EYS: variants seen among roughly 807,000 people sequenced by gnomAD.
EYS encodes the protein protein eyes shut homolog.
In EYS, 250 loss-of-function variants were observed where a neutral mutation model predicts 282.1. The observed-to-expected ratio is 0.89, with a 90% CI of 0.80 to 0.98. The LOEUF (loss-of-function observed/expected upper bound fraction) is 0.98. Ranked by LOEUF, EYS falls within the 50% of genes least tolerant of loss-of-function variation. EYS has a pLI of 0.00. For synonymous variants in EYS, 1,355 were observed against 1,282.9 expected (o/e 1.06, Z -1.20); for missense variants, 4,016 against 3,709.0 (o/e 1.08, Z -2.15).
chr6:64,121,015 CAGCT>C (rs1773570597), intron 31 of EYS, among the ~76,000 whole-genome samples: 1 of 152,088 alleles, frequency 6.6e-6, no homozygotes, highest in Admixed American at 6.6e-5. Context: ...TGATGACTGT[CAGCT>C]AGGGACCACT....
intron 31 of EYS, among the ~76,000 whole-genome samples, chr6:64,129,154 T>C (rs1291086291): frequency 2.0e-5 from 3 of 152,210 alleles, no homozygotes; most frequent in Admixed American, 2.0e-4. Context: ...GCCTATAATT[T>C]AGAAAATCTT....
chr6:65,182,262 T>A (rs1271977537), intron 12 of EYS, among the ~76,000 whole-genome samples: 1 of 149,864 alleles, frequency 6.7e-6, no homozygotes, highest in Non-Finnish European at 1.5e-5. Context: ...ATAAAGGGGG[T>A]GTTAAATGTT....
chr6:64,832,134 G>C (rs1037181116), intron 19 of EYS, among the ~76,000 whole-genome samples: 7 of 151,900 alleles, frequency 4.6e-5, no homozygotes, highest in African/African-American at 1.7e-4. Context: ...TGAGGGCCCT[G>C]TGTATTAACT....
chr6:64,652,170 T>C (rs1562113538), intron 22 of EYS, among the ~76,000 whole-genome samples: 1 of 152,218 alleles, frequency 6.6e-6, no homozygotes. Flanking sequence ...TGACCCACAG[T>C]CATGTATATA....
At chr6:63,962,479 A>C (rs560365510) in intron 35 of EYS, among the ~76,000 whole-genome samples, 131 of 152,310 alleles carry the variant, frequency 8.6e-4, no homozygotes, top group African/African-American at 3.0e-3. Flanking sequence ...CAAAAGAAGA[A>C]ATTTATGCAG....
intron 26 of EYS, among the ~76,000 whole-genome samples, chr6:64,482,330 T>TATCA (rs984445396): frequency 1.9e-4 from 29 of 151,820 alleles, no homozygotes; most frequent in African/African-American, 7.0e-4. Flanking sequence ...ATTATCTATA[T>TATCA]ATCAGTTTAT....
chr6:65,081,082 G>A (rs1412931101), intron 12 of EYS, among the ~76,000 whole-genome samples: 1 of 152,028 alleles, frequency 6.6e-6, no homozygotes, highest in African/African-American at 2.4e-5. Flanking sequence ...TAATAGCAAG[G>A]CATAATGTGG....
chr6:65,655,241 A>T (rs1767780196), intron 1 of EYS, among the ~76,000 whole-genome samples: 1 of 151,724 alleles, frequency 6.6e-6, no homozygotes, highest in South Asian at 2.1e-4. Flanking sequence ...ATACTCTGCC[A>T]TCAAGTAGAT....
intron 8 of EYS, among the ~76,000 whole-genome samples, chr6:65,358,599 A>AGGGTGTGTGT (rs1764582389): frequency 7.1e-6 from 1 of 140,836 alleles, no homozygotes; most frequent in Non-Finnish European, 1.5e-5. Flanking sequence ...AGGTTTCTGA[A>AGGGTGTGTGT]GTGTGTGTGT....
At chr6:65,545,151 G>A (rs1353163696) in intron 2 of EYS, among the ~76,000 whole-genome samples, 1 of 151,742 alleles carries the variant, frequency 6.6e-6, no homozygotes, top group African/African-American at 2.4e-5. Context: ...GAAAAAAGTT[G>A]CCTCTAAACT....
At chr6:65,421,324 T>TTTGA (rs1314087986) in intron 5 of EYS, among the ~76,000 whole-genome samples, 1 of 151,838 alleles carries the variant, frequency 6.6e-6, no homozygotes, top group Non-Finnish European at 1.5e-5. Flanking sequence ...CATGAGTCTA[T>TTTGA]CTCTGCTAGA....
rs755412200 is a variant in EYS at position 64,813,525 on chromosome 6, T to C, written c.3296A>G (p.His1099Arg). ...MNEGFCQKSA[H>R]GFTCICPRGY... ...ACGTGGGCAAATGCAAGTAAATCCATGTGCTGACTTCTGACAGAAGCCTTC... is the reference window on the plus strand; with the variant it reads ...ACGTGGGCAAATGCAAGTAAATCCACGTGCTGACTTCTGACAGAAGCCTTC... The change falls in exon 22 of 43, where the codon CAT (histidine) becomes CGT (arginine). Residue 1099 changes from histidine to arginine, a missense_variant. Transcript: ENST00000503581. 2 of 1,550,484 alleles carry C rather than the reference T, an allele frequency of 1.3e-6. No homozygotes were observed. The highest frequency in any genetic ancestry group is 1.2e-5 in the South Asian group (1 of 84,018).
chr6:65,280,793 G>A (rs1441302381), intron 12 of EYS, among the ~76,000 whole-genome samples: 18 of 150,900 alleles, frequency 1.2e-4, no homozygotes, highest in Middle Eastern at 3.4e-3. Context: ...CAAGGTGGGC[G>A]GATCGCCTGA....
At chr6:65,439,444 G>A (rs1230465484) in intron 5 of EYS, among the ~76,000 whole-genome samples, 1 of 152,028 alleles carries the variant, frequency 6.6e-6, no homozygotes, top group East Asian at 1.9e-4. Flanking sequence ...TGGGCAGCAT[G>A]GCCATTTTTC....
chr6:64,128,555 T>G (rs985323848), intron 31 of EYS, among the ~76,000 whole-genome samples: 3 of 152,056 alleles, frequency 2.0e-5, no homozygotes, highest in Non-Finnish European at 2.9e-5. Flanking sequence ...CAGACAGAAA[T>G]GTAAGGGCTG....
intron 12 of EYS, among the ~76,000 whole-genome samples, chr6:65,112,875 T>C (rs574009246): frequency 3.3e-5 from 5 of 152,132 alleles, no homozygotes; most frequent in Non-Finnish European, 7.4e-5. Context: ...CTTCATAAAA[T>C]ACTGGTGCTG....
At chr6:64,190,219 A>G (rs1159696472) in intron 31 of EYS, among the ~76,000 whole-genome samples, 1 of 152,138 alleles carries the variant, frequency 6.6e-6, no homozygotes, top group Non-Finnish European at 1.5e-5. Flanking sequence ...GCTAAATGAA[A>G]CTGTACCCTC....
chr6:64,162,093 G>T (rs985594641), intron 31 of EYS, among the ~76,000 whole-genome samples: 8 of 152,192 alleles, frequency 5.3e-5, no homozygotes, highest in African/African-American at 1.4e-4. Flanking sequence ...CTAGGGAAGA[G>T]AAAGAAAGTG....
chr6:65,026,713 C>T (rs1430901545), intron 13 of EYS, among the ~76,000 whole-genome samples: 4 of 152,110 alleles, frequency 2.6e-5, no homozygotes, highest in Middle Eastern at 6.8e-3. Context: ...GTCAGGAGAT[C>T]GAGACTGTCC....
Sources: gnomAD v4.1 joint callset for allele counts (sites outside exome capture counted in the v4.1 genomes callset) on GRCh38, gnomAD v4.1.1 for gene constraint, MANE v1.5 for transcripts, NCBI Gene and HGNC (gene_info 2026-07-23, HGNC 2026-07-21) for gene names.